The following ICE2 variants were observed in gnomAD, a reference collection of about 807,000 sequenced individuals.
The protein encoded by ICE2 is little elongation complex subunit 2.
ICE2 carries 87 observed loss-of-function variants against 105.4 expected under a neutral mutation model. The ratio of observed to expected loss-of-function variants is 0.83; its 90% CI spans 0.69 to 0.99. The LOEUF is 0.99. Ranked by LOEUF, ICE2 falls within the 50% of genes least tolerant of loss-of-function variation. ICE2 has a pLI of 0.00. For missense variants in ICE2, 1,323 were observed against 1,146.7 expected (o/e 1.15, Z -2.22); for synonymous variants, 399 against 392.0 (o/e 1.02, Z -0.21).
At chr15:60,442,568 T>C in intron 11 of ICE2, 23 bp from the exon 12 acceptor site, 3 of 1,546,894 alleles carry the variant, frequency 1.9e-6, no homozygotes, top group South Asian at 1.2e-5. Context: ...ATTATACTTT[T>C]TCAAAGCTCT....
At chr15:60,475,339 A>G (rs1483388927) in intron 3 of ICE2, among the ~76,000 whole-genome samples, 1 of 152,214 alleles carries the variant, frequency 6.6e-6, no homozygotes, top group Non-Finnish European at 1.5e-5. Context: ...ACCTTTAGCA[A>G]TTTGGCAATA....
intron 11 of ICE2, among the ~76,000 whole-genome samples, chr15:60,443,467 G>C (rs112065110): frequency 0.022 from 3,384 of 152,234 alleles, 135 homozygotes; most frequent in African/African-American, 0.077. Flanking sequence ...GTGGTGGTAA[G>C]AACAATTCAA....
chr15:60,450,767 A>G (rs1053552777), intron 9 of ICE2, among the ~76,000 whole-genome samples: 1 of 152,200 alleles, frequency 6.6e-6, no homozygotes, highest in African/African-American at 2.4e-5. Flanking sequence ...TGTTCTAAAG[A>G]TTAAGTGAGA....
intron 1 of ICE2, 46 bp from the exon 2 acceptor site, chr15:60,478,115 G>C (rs764568016): frequency 1.3e-6 from 1 of 751,004 alleles, no homozygotes; most frequent in Non-Finnish European, 2.4e-6. Context: ...TGATTGGCTA[G>C]GCCAGGTGCT....
chr15:60,461,932 G>A (rs556969833), intron 5 of ICE2, among the ~76,000 whole-genome samples: 2 of 152,292 alleles, frequency 1.3e-5, no homozygotes, highest in East Asian at 3.9e-4. Context: ...GAGCCTCTCA[G>A]TGAGTTAATA....
chr15:60,441,275 T>C (rs1339937886), intron 12 of ICE2: 1 of 152,188 alleles, frequency 6.6e-6, no homozygotes, highest in Non-Finnish European at 1.5e-5. Flanking sequence ...AATTAGTGCA[T>C]TTAGCTACTT....
At chr15:60,443,235 T>C (rs2063756474) in intron 11 of ICE2, among the ~76,000 whole-genome samples, 2 of 152,226 alleles carry the variant, frequency 1.3e-5, no homozygotes, top group African/African-American at 4.8e-5. Context: ...ACTGTGCTTA[T>C]GCTATCTCAT....
intron 3 of ICE2, among the ~76,000 whole-genome samples, chr15:60,468,703 G>A (rs1233081741): frequency 6.6e-6 from 1 of 152,150 alleles, no homozygotes; most frequent in Admixed American, 6.5e-5. Context: ...AGATTTATCA[G>A]TTAATATGGT....
At chr15:60,446,397 T>G (rs2063822617) in intron 11 of ICE2, among the ~76,000 whole-genome samples, 2 of 152,054 alleles carry the variant, frequency 1.3e-5, no homozygotes. Context: ...AGTTGGCACT[T>G]TTTAAAAATT....
intron 3 of ICE2, among the ~76,000 whole-genome samples, chr15:60,474,716 TAAGTCTTTAAAG>T: frequency 6.6e-6 from 1 of 152,358 alleles, no homozygotes; most frequent in South Asian, 2.1e-4. Flanking sequence ...TGAGCATATG[TAAGTCTTTAAAG>T]AAGTCTAAGT....
At chr15:60,471,896 A>G (rs772116178) in intron 3 of ICE2, among the ~76,000 whole-genome samples, 18 of 151,952 alleles carry the variant, frequency 1.2e-4, no homozygotes, top group Middle Eastern at 3.4e-3. Flanking sequence ...TGGTGCTTCT[A>G]GTCTCCATTT....
intron 11 of ICE2, among the ~76,000 whole-genome samples, chr15:60,445,259 A>G (rs535409802): frequency 3.3e-5 from 5 of 152,288 alleles, no homozygotes; most frequent in Admixed American, 1.3e-4. Context: ...AATTTTGCTG[A>G]ATTAGTTTAA....
intron 3 of ICE2, 72 bp from the exon 4 acceptor site, chr15:60,468,394 C>T (rs2141145361): frequency 8.5e-7 from 1 of 1,176,274 alleles, no homozygotes. Flanking sequence ...CTTCATGATT[C>T]TCAATCACCA....
At chr15:60,433,013 T>C (rs1000586430) in intron 13 of ICE2, among the ~76,000 whole-genome samples, 7 of 152,010 alleles carry the variant, frequency 4.6e-5, no homozygotes, top group Non-Finnish European at 7.4e-5. Flanking sequence ...AAAAAATTGA[T>C]AGGTACGTTA....
intron 12 of ICE2, chr15:60,438,061 G>T (rs554188934): frequency 6.6e-6 from 1 of 152,096 alleles, no homozygotes; most frequent in Admixed American, 6.6e-5. Context: ...CAAGTAATGC[G>T]TATGTTCTAA....
chr15:60,466,030 G>A (rs1230599234), intron 5 of ICE2, among the ~76,000 whole-genome samples: 1 of 152,162 alleles, frequency 6.6e-6, no homozygotes, highest in East Asian at 1.9e-4. Flanking sequence ...GGGATTAGAG[G>A]TGTGAGCCAC....
intron 14 of ICE2, 42 bp from the exon 15 acceptor site, chr15:60,428,729 T>C: frequency 6.3e-7 from 1 of 1,584,716 alleles, no homozygotes; most frequent in Non-Finnish European, 8.6e-7. Flanking sequence ...GCTCACTGTG[T>C]CAATTTCAAC....
intron 5 of ICE2, among the ~76,000 whole-genome samples, chr15:60,461,874 C>T (rs1006989575): frequency 1.3e-5 from 2 of 152,050 alleles, no homozygotes; most frequent in Non-Finnish European, 2.9e-5. Context: ...AGGAAGTGTA[C>T]AAAATGAGCC....
Position 60,453,908 on chromosome 15 carries a change from C to A in ICE2, c.944-124G>T, listed in dbSNP as rs957908200. 9.7e-6 allele frequency: 7 copies of A among 723,850 alleles called. No individual in the cohort carries two copies. In the African/African-American group the frequency reaches 1.1e-4, roughly 11 times the overall value. 44.8% of individuals were successfully genotyped at this position (723,850 alleles called of 1,614,324 possible). A position where few individuals can be genotyped will look rare whatever the true frequency, so the allele number is the denominator to read the frequency against. ...CACAGGAGAATGGCAGCACATGTCC[C>A]ATATATTTGCTACCCTTAGACTAGC... On this transcript the variant is annotated intron_variant, in intron 8 of 15. Coordinates refer to ENST00000261520, the MANE Select transcript of ICE2 (RefSeq NM_024611.6).
Sources: allele counts gnomAD v4.1 joint callset (sites outside exome capture counted in the v4.1 genomes callset), GRCh38; gene constraint gnomAD v4.1.1; transcripts MANE v1.5; gene names NCBI Gene and HGNC (gene_info 2026-07-23, HGNC 2026-07-21).